The following USP26 variants were observed in gnomAD, a reference collection of about 807,000 sequenced individuals.
The protein encoded by USP26 is ubiquitin carboxyl-terminal hydrolase 26.
For missense variants in USP26, 649 were observed against 642.3 expected (o/e 1.01, Z -0.11); for synonymous variants, 236 against 240.6 (o/e 0.98, Z 0.18).
At chrX:133,063,683 G>A (rs1036299046) in intron 5 of USP26, among the ~76,000 whole-genome samples, 1 of 111,518 alleles carries the variant, frequency 9.0e-6, no homozygotes, top group African/African-American at 3.3e-5. Context: ...AAATGCTGAG[G>A]GATTTTGTCA....
Position 133,095,108 on chromosome X carries a change from A to G in USP26, c.-393+1922T>C, listed in dbSNP as rs866869661. Among the ~76,000 whole-genome samples, 128 of 102,807 alleles carry G rather than the reference A, an allele frequency of 1.2e-3. 1 individual carries two copies. Among genetic ancestry groups the G allele is most frequent in the African/African-American group, 4.1e-3 (107 of 25,930 alleles). The allele number at this position is 102,807 out of a possible 115,157, so 89.3% of individuals were successfully genotyped here. On this transcript the variant is annotated intron_variant, in intron 1 of 5. Transcript: ENST00000511190. ...AGACTCTTGTCAAAAAAAAAAAAAA[A>G]AAAGAAAGAAAGAAAGAAAAGAAAA...
intron 5 of USP26, among the ~76,000 whole-genome samples, chrX:133,030,498 G>A (rs975063945): frequency 8.9e-6 from 1 of 111,850 alleles, no homozygotes; most frequent in Non-Finnish European, 1.9e-5. Flanking sequence ...TATTGCAGCC[G>A]GTGCTCTCAG....
intron 1 of USP26, among the ~76,000 whole-genome samples, chrX:133,096,047 A>ATTTTT (rs779131148): frequency 0.018 from 672 of 36,548 alleles, 89 homozygotes; most frequent in African/African-American, 0.025. Context: ...GCCCGGCCTA[A>ATTTTT]TTTTTTTTTT....
At chrX:133,073,987 T>C (rs1442307451) in intron 5 of USP26, among the ~76,000 whole-genome samples, 3 of 111,771 alleles carry the variant, frequency 2.7e-5, no homozygotes, top group Non-Finnish European at 5.6e-5. Flanking sequence ...GTACTGCCTT[T>C]ATAACTATCA....
chrX:133,040,153 A>C (rs149405803), intron 5 of USP26, among the ~76,000 whole-genome samples: 50 of 111,957 alleles, frequency 4.5e-4, no homozygotes, highest in African/African-American at 1.6e-3. Flanking sequence ...ACAATTTGCC[A>C]GTCTGTGTCT....
intron 5 of USP26, among the ~76,000 whole-genome samples, chrX:133,074,543 T>C (rs902315126): frequency 8.0e-5 from 9 of 112,219 alleles, no homozygotes; most frequent in African/African-American, 2.6e-4. Flanking sequence ...GGAAAGAAAA[T>C]TGTATGTGGC....
At chrX:133,060,587 T>A (rs2067491212) in intron 5 of USP26, among the ~76,000 whole-genome samples, 1 of 111,662 alleles carries the variant, frequency 9.0e-6, no homozygotes, top group Admixed American at 9.5e-5. Context: ...CTAAAATATC[T>A]ATTTAAAATA....
At chrX:133,038,236 T>C (rs771543425) in intron 5 of USP26, among the ~76,000 whole-genome samples, 2 of 111,659 alleles carry the variant, frequency 1.8e-5, no homozygotes, top group East Asian at 5.6e-4. Flanking sequence ...ATCCTTGTCT[T>C]CTGCTGGTTT....
In USP26 at chrX:133,091,338, C is replaced by T. The variant is rs1371245516; in HGVS notation, c.-302+15G>A. ...GGCTGGCTTTCAAATTACCTTCAGA[C>T]CCATATTCTCATACCTGAAACAAAG... On this transcript the variant is annotated intron_variant, in intron 2 of 5. Coordinates refer to ENST00000511190, the MANE Select transcript of USP26 (RefSeq NM_031907.3). The T allele has an allele frequency of 9.0e-6, 1 of 111,569 alleles. No individual in the cohort carries two copies. The highest frequency in any genetic ancestry group is 1.9e-5 in the Non-Finnish European group (1 of 53,177). 9.2% of individuals were successfully genotyped at this position (111,569 alleles called of 1,213,427 possible).
At chrX:133,066,433 A>G (rs1468332125) in intron 5 of USP26, among the ~76,000 whole-genome samples, 3 of 112,005 alleles carry the variant, frequency 2.7e-5, no homozygotes, top group Admixed American at 1.9e-4. Flanking sequence ...CTAAGCAAAA[A>G]GAACAAAGCT....
At position 133,032,702 on chromosome X, in the gene USP26, G is replaced by C. The variant is rs774113735; in HGVS notation, c.-76-4406C>G. Reference sequence around the variant, plus strand: ...TTGCCATTCATAAGTAACCGAGTAAGAGGAAAATGGGAGCTGAAGGTGTAG... The same window carrying C: ...TTGCCATTCATAAGTAACCGAGTAACAGGAAAATGGGAGCTGAAGGTGTAG... On this transcript the variant is annotated intron_variant, in intron 5 of 5. Transcript: ENST00000511190. Among the ~76,000 whole-genome samples the C allele has an allele frequency of 1.7e-3, 189 of 111,971 alleles. 2 individuals carry two copies. The highest frequency in any genetic ancestry group is 5.8e-3 in the African/African-American group (178 of 30,793).
At chrX:133,096,047 ATTTTT>A (rs779131148) in intron 1 of USP26, among the ~76,000 whole-genome samples, 1 of 36,537 alleles carries the variant, frequency 2.7e-5, no homozygotes, top group Non-Finnish European at 4.4e-5. Context: ...GCCCGGCCTA[ATTTTT>A]TTTTTTTTTT....
intron 5 of USP26, among the ~76,000 whole-genome samples, chrX:133,038,100 T>C (rs947483785): frequency 9.0e-6 from 1 of 111,441 alleles, no homozygotes; most frequent in Admixed American, 9.6e-5. Context: ...TATACAATCA[T>C]GTCTGCAAAC....
chrX:133,066,742 A>T (rs2067513047), intron 5 of USP26, among the ~76,000 whole-genome samples: 1 of 112,075 alleles, frequency 8.9e-6, no homozygotes, highest in African/African-American at 3.2e-5. Flanking sequence ...TTAAAGACTT[A>T]AATGTAAAAC....
chrX:133,039,069 T>C (rs1429329324), intron 5 of USP26, among the ~76,000 whole-genome samples: 1 of 111,953 alleles, frequency 8.9e-6, no homozygotes, highest in Non-Finnish European at 1.9e-5. Context: ...TTTATTAGTC[T>C]GACTATTGGT....
intron 5 of USP26, among the ~76,000 whole-genome samples, chrX:133,045,592 C>G (rs1326461607): frequency 1.8e-5 from 2 of 111,637 alleles, no homozygotes; most frequent in Admixed American, 1.9e-4. Flanking sequence ...CCATCAAGAC[C>G]ACGAACCCAC....
In USP26 at chrX:133,025,510, T is replaced by C. The variant is rs2067342090; in HGVS notation, c.2711A>G (p.Lys904Arg). 1 of 1,209,415 alleles carries C rather than the reference T, an allele frequency of 8.3e-7. No individual in the cohort carries two copies. Among genetic ancestry groups the C allele is most frequent in the African/African-American group, 1.8e-5 (1 of 57,072 alleles). ...CTTCTGAAGGGTCTCCTCTACCTCC[T>C]TGCTATTAAGCTGGGCATTCTCTTC... is the stretch of plus-strand genomic sequence containing the variant. ...KREENAQLNSKEVEETLQKE is the reference protein window; with the variant it reads ...KREENAQLNSREVEETLQKE Residue 904 changes from lysine (K) to arginine (R), a missense_variant, in exon 6 of 6, where the codon AAG becomes AGG. By Grantham distance (26) the Lys-to-Arg change is conservative. Transcript: ENST00000511190.
chrX:133,058,332 A>G (rs942444730), intron 5 of USP26, among the ~76,000 whole-genome samples: 1 of 111,157 alleles, frequency 9.0e-6, no homozygotes, highest in African/African-American at 3.3e-5. Context: ...TCAACCACAC[A>G]TTACTGATTT....
At chrX:133,064,665 C>T (rs2067505181) in intron 5 of USP26, among the ~76,000 whole-genome samples, 1 of 111,819 alleles carries the variant, frequency 8.9e-6, no homozygotes, top group Non-Finnish European at 1.9e-5. Context: ...TATCAAAGTT[C>T]TTTGAAACCA....
Sources: gnomAD v4.1 joint callset for allele counts (sites outside exome capture counted in the v4.1 genomes callset) on GRCh38, gnomAD v4.1.1 for gene constraint, MANE v1.5 for transcripts, NCBI Gene and HGNC (gene_info 2026-07-23, HGNC 2026-07-21) for gene names.